PARL: variants seen among roughly 807,000 people sequenced by gnomAD.
PARL encodes the protein presenilin-associated rhomboid-like protein, mitochondrial.
A neutral mutation model predicts 51.6 loss-of-function variants in PARL; 44 were observed. The observed-to-expected ratio is 0.85, with a 90% CI of 0.67 to 1.10. The LOEUF (loss-of-function observed/expected upper bound fraction) is 1.10. Ranked by LOEUF, PARL falls within the 50% of genes least tolerant of loss-of-function variation. PARL has a pLI of 0.00. For synonymous variants in PARL, 172 were observed against 164.0 expected (o/e 1.05, Z -0.37); for missense variants, 441 against 469.5 (o/e 0.94, Z 0.56).
chr3:183,832,999 G>A (rs974830314), intron 9 of PARL, among the ~76,000 whole-genome samples: 43 of 152,172 alleles, frequency 2.8e-4, no homozygotes, highest in Middle Eastern at 3.2e-3. Flanking sequence ...TGCATACAGC[G>A]GGTACTCAGT....
At chr3:183,868,814 AT>A (rs1477307788) in intron 1 of PARL, among the ~76,000 whole-genome samples, 1 of 152,204 alleles carries the variant, frequency 6.6e-6, no homozygotes, top group African/African-American at 2.4e-5. Flanking sequence ...TCCAAATTCA[AT>A]AATTATTTTC....
chr3:183,878,981 T>G (rs1455212919), intron 1 of PARL, among the ~76,000 whole-genome samples: 3 of 152,246 alleles, frequency 2.0e-5, no homozygotes, highest in African/African-American at 2.4e-5. Context: ...AACTGCTAGT[T>G]CATGAACCAC....
At chr3:183,867,662 T>C (rs551043056) in intron 2 of PARL, among the ~76,000 whole-genome samples, 1 of 149,426 alleles carries the variant, frequency 6.7e-6, no homozygotes, top group Admixed American at 6.7e-5. Context: ...ATCGCGCCAC[T>C]GCACTCCAAC....
At chr3:183,867,504 T>C (rs1233094814) in intron 2 of PARL, among the ~76,000 whole-genome samples, 2 of 151,830 alleles carry the variant, frequency 1.3e-5, no homozygotes, top group Non-Finnish European at 1.5e-5. Flanking sequence ...ATCGAGACCA[T>C]CCTGGCTAAC....
chr3:183,854,699 G>C (rs116417582), intron 4 of PARL, among the ~76,000 whole-genome samples: 6,507 of 147,790 alleles, frequency 0.044, 170 homozygotes, highest in Middle Eastern at 0.083. Flanking sequence ...TGAACTATAT[G>C]CTTAAAAATG....
chr3:183,857,643 TGAGA>T (rs1167715550), intron 4 of PARL, among the ~76,000 whole-genome samples: 1 of 152,164 alleles, frequency 6.6e-6, no homozygotes, highest in East Asian at 1.9e-4. Context: ...AAGTTCAGAG[TGAGA>T]GAAAGACTTA....
chr3:183,837,195 TA>T (rs1482061630), intron 7 of PARL, among the ~76,000 whole-genome samples: 1 of 152,162 alleles, frequency 6.6e-6, no homozygotes, highest in Non-Finnish European at 1.5e-5. Flanking sequence ...GAAACAAATG[TA>T]AGAGGACTGT....
At chr3:183,837,108 G>A (rs528920842) in intron 7 of PARL, among the ~76,000 whole-genome samples, 1 of 152,152 alleles carries the variant, frequency 6.6e-6, no homozygotes, top group East Asian at 1.9e-4. Flanking sequence ...AACTTTATTT[G>A]GTATTATAAT....
chr3:183,840,482 C>G, intron 7 of PARL, 88 bp downstream of exon 7: 1 of 682,120 alleles, frequency 1.5e-6, no homozygotes. Flanking sequence ...AACCTCTTAT[C>G]AATTTTACAA....
downstream of PARL, among the ~76,000 whole-genome samples, chr3:183,827,600 C>T (rs181996960): frequency 5.5e-4 from 83 of 152,180 alleles, no homozygotes; most frequent in African/African-American, 1.8e-3. Context: ...AGGACCACCA[C>T]GGAGTCACAG....
At chr3:183,854,908 T>C (rs1046759623) in intron 4 of PARL, among the ~76,000 whole-genome samples, 21 of 151,964 alleles carry the variant, frequency 1.4e-4, no homozygotes, top group Non-Finnish European at 2.5e-4. Flanking sequence ...GCCCATCAAC[T>C]GATGAAGGAA....
intron 1 of PARL, among the ~76,000 whole-genome samples, chr3:183,870,184 AG>A: frequency 6.7e-6 from 1 of 149,240 alleles, no homozygotes; most frequent in South Asian, 2.1e-4. Flanking sequence ...AGGCTGAGGC[AG>A]AAGAATCGCG....
chr3:183,843,260 C>T, intron 5 of PARL: 9 of 985,368 alleles, frequency 9.1e-6, no homozygotes, highest in Non-Finnish European at 1.1e-5. Flanking sequence ...CCAATAAAAA[C>T]TCTCAGTTCA....
chr3:183,844,332 A>C lies in PARL; in HGVS notation c.512-6T>G. 6.6e-7 allele frequency: 1 copy of C among 1,518,392 alleles called. No individual in the cohort carries two copies. The highest frequency in any genetic ancestry group is 9.2e-7 in the Non-Finnish European group (1 of 1,092,690). 94.1% of individuals were successfully genotyped at this position (1,518,392 alleles called of 1,614,324 possible). On this transcript the variant is annotated splice_region_variant and splice_polypyrimidine_tract_variant and intron_variant, in intron 4 of 9. Transcript: ENST00000317096. Reference sequence around the variant, plus strand: ...GACATTTGCAGCTATAATACCTACAAAATAAATATTTATAATTTAGGGAGG... The same window carrying C: ...GACATTTGCAGCTATAATACCTACACAATAAATATTTATAATTTAGGGAGG...
intron 3 of PARL, among the ~76,000 whole-genome samples, chr3:183,864,592 C>T (rs1368397512): frequency 3.3e-5 from 5 of 151,930 alleles, no homozygotes; most frequent in African/African-American, 1.2e-4. Flanking sequence ...CTGGCTAACA[C>T]GGTGAAACCC....
intron 4 of PARL, among the ~76,000 whole-genome samples, chr3:183,857,101 C>T (rs1403257249): frequency 6.6e-6 from 1 of 152,184 alleles, no homozygotes; most frequent in African/African-American, 2.4e-5. Context: ...CAGTGGTTCA[C>T]ACCTGTAATC....
At chr3:183,880,080 C>T (rs144328035) in intron 1 of PARL, among the ~76,000 whole-genome samples, 2 of 152,160 alleles carry the variant, frequency 1.3e-5, no homozygotes, top group Admixed American at 1.3e-4. Flanking sequence ...TGATAAATGT[C>T]CCTAATTGCA....
intron 4 of PARL, among the ~76,000 whole-genome samples, chr3:183,857,352 T>C (rs1731287997): frequency 6.6e-6 from 1 of 152,366 alleles, no homozygotes; most frequent in Non-Finnish European, 1.5e-5. Flanking sequence ...AATTAATTAG[T>C]TGAGTTGTAC....
chr3:183,857,279 T>C (rs1731279670), intron 4 of PARL, among the ~76,000 whole-genome samples: 1 of 152,190 alleles, frequency 6.6e-6, no homozygotes, highest in Non-Finnish European at 1.5e-5. Flanking sequence ...AAAAGCCTGA[T>C]GTGCTGGTAA....
Sources: allele counts gnomAD v4.1 joint callset (sites outside exome capture counted in the v4.1 genomes callset), GRCh38; gene constraint gnomAD v4.1.1; transcripts MANE v1.5; gene names NCBI Gene and HGNC (gene_info 2026-07-23, HGNC 2026-07-21).